The following SEMA3D variants were observed in gnomAD, a reference collection of about 807,000 sequenced individuals.
SEMA3D encodes the protein semaphorin 3D.
Under a neutral mutation model 100.1 loss-of-function variants are expected in SEMA3D, and 84 were observed. That is an observed-to-expected ratio of 0.84 (90% confidence interval 0.70 to 1.01). SEMA3D has a LOEUF of 1.01. Ranked by LOEUF, SEMA3D falls within the 50% of genes least tolerant of loss-of-function variation. The probability of loss-of-function intolerance (pLI) is 0.00; values close to 1 mark genes in which losing one functional copy is unlikely to be tolerated. For missense variants in SEMA3D, 875 were observed against 934.1 expected (o/e 0.94, Z 0.82); for synonymous variants, 312 against 320.7 (o/e 0.97, Z 0.29).
At chr7:85,137,511 T>C (rs1789903387) in intron 2 of SEMA3D, among the ~76,000 whole-genome samples, 1 of 152,102 alleles carries the variant, frequency 6.6e-6, no homozygotes, top group Non-Finnish European at 1.5e-5. Context: ...ATGTACACGC[T>C]ATTTTTTACC....
rs1305075851 is a variant in SEMA3D at position 85,004,705 on chromosome 7, T to C, written c.1908+2097A>G. 3.9e-5 allele frequency among the ~76,000 whole-genome samples: 6 copies of C among 151,952 alleles called. No homozygotes were observed. The South Asian group carries it at 1.2e-3, about 32-fold the overall frequency. On this transcript the variant is annotated intron_variant, in intron 18 of 18. Coordinates refer to ENST00000284136, the MANE Select transcript of SEMA3D (RefSeq NM_001384900.1). ...AGATTCCAAACTGTGACCTTATGGG[T>C]AAGAAGCAGAAGGCATCCTGCTGGG...
At chr7:85,162,600 T>G (rs1790776074) in intron 1 of SEMA3D, among the ~76,000 whole-genome samples, 1 of 151,936 alleles carries the variant, frequency 6.6e-6, no homozygotes, top group Non-Finnish European at 1.5e-5. Context: ...GTTTCAGCAT[T>G]TAGAACAAAA....
At chr7:85,085,890 C>T (rs1788199316) in intron 4 of SEMA3D, among the ~76,000 whole-genome samples, 1 of 152,110 alleles carries the variant, frequency 6.6e-6, no homozygotes, top group Admixed American at 6.5e-5. Context: ...TTTTGTTGTA[C>T]ATTTTCAGTT....
chr7:85,122,779 A>G (rs1265404685), intron 2 of SEMA3D, among the ~76,000 whole-genome samples: 1 of 152,194 alleles, frequency 6.6e-6, no homozygotes, highest in African/African-American at 2.4e-5. Context: ...GTATTATTCC[A>G]CACAGGGAAG....
the SEMA3D span, among the ~76,000 whole-genome samples, chr7:85,222,020 CCAAT>C: frequency 2.6e-5 from 4 of 151,914 alleles, no homozygotes; most frequent in Non-Finnish European, 4.4e-5. Context: ...TTAGAAATCC[CCAAT>C]CAAATTTAGC....
chr7:85,036,918 C>G lies in SEMA3D; in HGVS notation c.1162G>C (p.Gly388Arg). 1.2e-6 allele frequency: 2 copies of G among 1,613,240 alleles called. No homozygotes were observed. Among genetic ancestry groups the G allele is most frequent in the Non-Finnish European group, 1.7e-6 (2 of 1,179,426 alleles). ...SADHRWVQYD[G>R]RIPYPRPGTC... ...CCAGGCCGTGGATAAGGAATTCTCC[C>G]ATCATACTGCACCCAACGATGGTCT... The change falls in exon 12 of 19, where the codon GGG (glycine) becomes CGG (arginine). Residue 388 changes from glycine (G) to arginine (R), a missense_variant. Gly to Arg is a moderately radical substitution (Grantham distance 125). Transcript: ENST00000284136.
At chr7:85,072,251 C>G (rs1372907934) in intron 6 of SEMA3D, among the ~76,000 whole-genome samples, 1 of 152,132 alleles carries the variant, frequency 6.6e-6, no homozygotes, top group African/African-American at 2.4e-5. Context: ...TACATGACTC[C>G]TAATTAATAC....
chr7:85,031,185 C>T (rs1378914359), intron 12 of SEMA3D, among the ~76,000 whole-genome samples: 1 of 151,952 alleles, frequency 6.6e-6, no homozygotes, highest in African/African-American at 2.4e-5. Context: ...AAGCTTGACA[C>T]ACTGAAAGTT....
chr7:85,147,537 C>T (rs1467698532), intron 2 of SEMA3D, among the ~76,000 whole-genome samples: 4 of 152,036 alleles, frequency 2.6e-5, no homozygotes, highest in Non-Finnish European at 5.9e-5. Flanking sequence ...GGTTAAAAAG[C>T]AATTTAATAC....
At chr7:85,187,796 C>T (rs1791603146), upstream of SEMA3D, among the ~76,000 whole-genome samples, 1 of 152,192 alleles carries the variant, frequency 6.6e-6, no homozygotes, top group Non-Finnish European at 1.5e-5. Context: ...TCTACAGATT[C>T]TGCAAAAATA....
chr7:85,099,896 A>G (rs1788690522), intron 3 of SEMA3D, among the ~76,000 whole-genome samples: 1 of 151,948 alleles, frequency 6.6e-6, no homozygotes, highest in Admixed American at 6.6e-5. Flanking sequence ...TTATCATTGA[A>G]TTTCAATAGT....
At chr7:85,066,913 C>CACACAGAGAG in intron 7 of SEMA3D, among the ~76,000 whole-genome samples, 32 of 127,820 alleles carry the variant, frequency 2.5e-4, no homozygotes, top group African/African-American at 6.6e-4. Flanking sequence ...CACACACACA[C>CACACAGAGAG]AGAGAGAGAG....
upstream of SEMA3D, among the ~76,000 whole-genome samples, chr7:85,189,045 A>G (rs926711870): frequency 1.3e-5 from 2 of 152,218 alleles, no homozygotes; most frequent in African/African-American, 2.4e-5. Flanking sequence ...GACAGAATTT[A>G]CCAGAGTATC....
At chr7:85,202,429 G>A in the SEMA3D span, among the ~76,000 whole-genome samples, 6 of 151,982 alleles carry the variant, frequency 3.9e-5, 1 homozygote, top group Admixed American at 3.9e-4. Flanking sequence ...TGGTGTATAT[G>A]TGCCACATTT....
the SEMA3D span, among the ~76,000 whole-genome samples, chr7:85,247,944 T>C: frequency 6.6e-6 from 1 of 152,032 alleles, no homozygotes; most frequent in Non-Finnish European, 1.5e-5. Flanking sequence ...TTTTAGAAGA[T>C]AATTGAAGAG....
chr7:85,010,023 T>G (rs1340719725), intron 17 of SEMA3D, among the ~76,000 whole-genome samples: 1 of 151,752 alleles, frequency 6.6e-6, no homozygotes, highest in Non-Finnish European at 1.5e-5. Flanking sequence ...AAAATGTATT[T>G]TAGATGAGAT....
At chr7:85,170,981 A>G (rs1291757247) in intron 1 of SEMA3D, among the ~76,000 whole-genome samples, 1 of 152,072 alleles carries the variant, frequency 6.6e-6, no homozygotes, top group Non-Finnish European at 1.5e-5. Flanking sequence ...TTTTGGATGC[A>G]AAATTGTCAT....
rs1402165427 is a variant in SEMA3D at position 85,006,908 on chromosome 7, A to T, written c.1802T>A (p.Ile601Asn). 6 of 1,610,734 alleles carry T rather than the reference A, an allele frequency of 3.7e-6. No homozygotes were observed. The East Asian group carries it at 6.7e-5, about 18-fold the overall frequency. Residue 601 changes from isoleucine to asparagine, a missense_variant, in exon 18 of 19, where the codon ATT (isoleucine) becomes AAT (asparagine). Ile to Asn is a moderately radical substitution (Grantham distance 149). Transcript: ENST00000284136. ...GGTTGAGTTAAATTCAATGCCAAAA[A>T]TCACCTTTTCATCAGCAGTTTCATG... Reference protein sequence around the residue: ...ISHETADEKVIFGIEFNSTFL... With the variant: ...ISHETADEKVNFGIEFNSTFL...
At chr7:85,027,864 A>G in intron 12 of SEMA3D, 1 of 556,544 alleles carries the variant, frequency 1.8e-6, no homozygotes, top group Admixed American at 2.1e-5. Context: ...TGATCTTGGC[A>G]CCACCTACTA....
Sources: allele counts gnomAD v4.1 joint callset (sites outside exome capture counted in the v4.1 genomes callset), GRCh38; gene constraint gnomAD v4.1.1; transcripts MANE v1.5; gene names NCBI Gene and HGNC (gene_info 2026-07-23, HGNC 2026-07-21).